HCN1: variants seen among roughly 807,000 people sequenced by gnomAD.
HCN1 encodes the protein hyperpolarization activated cyclic nucleotide gated potassium channel 1.
A neutral mutation model predicts 78.9 loss-of-function variants in HCN1; 13 were observed. That is an observed-to-expected ratio of 0.16 (90% CI 0.11 to 0.26). HCN1 has a LOEUF of 0.26. Among genes scored for constraint, HCN1 ranks in the 10% least tolerant of loss-of-function variants. The pLI is 1.00. For missense variants in HCN1, 810 were observed against 1,154.3 expected, an observed-to-expected ratio of 0.70 and a Z score of 4.32; for synonymous variants, 552 against 455.5, an observed-to-expected ratio of 1.21 and a Z score of -2.70.
intron 1 of HCN1, among the ~76,000 whole-genome samples, chr5:45,667,785 T>C (rs1308447627): frequency 6.6e-6 from 1 of 151,984 alleles, no homozygotes; most frequent in Non-Finnish European, 1.5e-5. Context: ...CAAGCTACTA[T>C]GACATTGTAG....
chr5:45,605,571 C>T (rs1376033252), intron 2 of HCN1, among the ~76,000 whole-genome samples: 1 of 151,520 alleles, frequency 6.6e-6, no homozygotes, highest in Non-Finnish European at 1.5e-5. Flanking sequence ...ATGTGGACAG[C>T]ATTATCAAAA....
intron 3 of HCN1, among the ~76,000 whole-genome samples, chr5:45,413,633 T>G (rs1158158214): frequency 6.6e-6 from 1 of 151,862 alleles, no homozygotes; most frequent in African/African-American, 2.4e-5. Context: ...CTTTCAGAGG[T>G]AGAAATGAAA....
chr5:45,390,338 T>C (rs1260852283), intron 4 of HCN1, among the ~76,000 whole-genome samples: 1 of 152,156 alleles, frequency 6.6e-6, no homozygotes, highest in Non-Finnish European at 1.5e-5. Flanking sequence ...TTATGACATA[T>C]AAGGAATACA....
In HCN1 at chr5:45,399,302, TGCCTACAG is replaced by T. The variant is rs199716383; in HGVS notation, c.1012-2600_1012-2593del. 5.0e-3 allele frequency among the ~76,000 whole-genome samples: 765 copies of T among 152,350 alleles called. 4 individuals carry two copies. Among genetic ancestry groups the T allele is most frequent in the African/African-American group, 0.018 (730 of 41,584 alleles). On this transcript the variant is annotated intron_variant, in intron 3 of 7. Coordinates refer to ENST00000303230, the MANE Select transcript of HCN1 (RefSeq NM_021072.4). ...TGCTAGGCCAATTGCATGTCTCCTG[TGCCTACAG>T]GCCTGAATCTGTGTGTGTGATGCTG...
intron 2 of HCN1, among the ~76,000 whole-genome samples, chr5:45,524,089 T>G (rs1349606592): frequency 6.6e-6 from 1 of 152,176 alleles, no homozygotes; most frequent in African/African-American, 2.4e-5. Flanking sequence ...GGCTAGCCAG[T>G]TTTCCCAGCA....
chr5:45,492,927 T>A, intron 2 of HCN1, among the ~76,000 whole-genome samples: 1 of 152,114 alleles, frequency 6.6e-6, no homozygotes, highest in Admixed American at 6.6e-5. Flanking sequence ...AGTCTGTGGA[T>A]TGGTCAAGCT....
At chr5:45,676,648 C>T in intron 1 of HCN1, among the ~76,000 whole-genome samples, 1 of 151,478 alleles carries the variant, frequency 6.6e-6, no homozygotes, top group East Asian at 1.9e-4. Flanking sequence ...CTAAAATAAC[C>T]AGAGAATATT....
chr5:45,549,134 T>C (rs564171298), intron 2 of HCN1, among the ~76,000 whole-genome samples: 2 of 152,014 alleles, frequency 1.3e-5, no homozygotes, highest in Non-Finnish European at 2.9e-5. Flanking sequence ...TTCACAGAAT[T>C]GGAAAAATCT....
intron 6 of HCN1, among the ~76,000 whole-genome samples, chr5:45,292,379 T>C (rs1745396830): frequency 6.6e-6 from 1 of 152,038 alleles, no homozygotes; most frequent in African/African-American, 2.4e-5. Flanking sequence ...AACTGCTATA[T>C]ATTGACAGTG....
chr5:45,574,223 A>G (rs763785577), intron 2 of HCN1, among the ~76,000 whole-genome samples: 8 of 152,032 alleles, frequency 5.3e-5, no homozygotes, highest in South Asian at 4.1e-4. Context: ...GATTTTTGCA[A>G]CTCTGCATCA....
At chr5:45,565,702 G>C (rs970697299) in intron 2 of HCN1, among the ~76,000 whole-genome samples, 3 of 152,010 alleles carry the variant, frequency 2.0e-5, no homozygotes, top group Admixed American at 1.3e-4. Context: ...CACACGGGAG[G>C]CTGAGGTGGG....
intron 2 of HCN1, among the ~76,000 whole-genome samples, chr5:45,596,405 T>C (rs1010507461): frequency 6.6e-6 from 1 of 152,210 alleles, no homozygotes; most frequent in African/African-American, 2.4e-5. Flanking sequence ...ATAGTGACAA[T>C]GACTTTCACA....
intron 4 of HCN1, among the ~76,000 whole-genome samples, chr5:45,371,719 T>G (rs1747365094): frequency 6.8e-6 from 1 of 147,886 alleles, no homozygotes; most frequent in Non-Finnish European, 1.5e-5. Flanking sequence ...ATAGCACCAT[T>G]TCACTCCAGC....
intron 2 of HCN1, among the ~76,000 whole-genome samples, chr5:45,553,201 G>A (rs1238330134): frequency 1.3e-5 from 2 of 151,828 alleles, no homozygotes; most frequent in Admixed American, 1.3e-4. Context: ...GGTGACTGGG[G>A]TGGACGTCCA....
At chr5:45,395,083 A>G (rs1387380209) in intron 4 of HCN1, among the ~76,000 whole-genome samples, 1 of 152,178 alleles carries the variant, frequency 6.6e-6, no homozygotes, top group African/African-American at 2.4e-5. Flanking sequence ...AATATGCAAT[A>G]AAATGCTAAT....
chr5:45,380,377 AT>A (rs1747781821), intron 4 of HCN1, among the ~76,000 whole-genome samples: 1 of 152,080 alleles, frequency 6.6e-6, no homozygotes, highest in African/African-American at 2.4e-5. Context: ...TTCAACATGA[AT>A]TTTGGAGGGA....
intron 2 of HCN1, among the ~76,000 whole-genome samples, chr5:45,639,662 C>T (rs1382672208): frequency 6.6e-6 from 1 of 152,122 alleles, no homozygotes; most frequent in Non-Finnish European, 1.5e-5. Flanking sequence ...TTAACCGATA[C>T]AAACATTTTT....
chr5:45,525,230 A>C (rs1742711256), intron 2 of HCN1, among the ~76,000 whole-genome samples: 2 of 151,808 alleles, frequency 1.3e-5, no homozygotes, highest in Admixed American at 1.3e-4. Flanking sequence ...TTTCATTAGC[A>C]AATTGAGAAA....
chr5:45,325,470 TAAAAC>T (rs1746217617), intron 5 of HCN1, among the ~76,000 whole-genome samples: 1 of 151,632 alleles, frequency 6.6e-6, no homozygotes, highest in Non-Finnish European at 1.5e-5. Flanking sequence ...AGTCAACAAA[TAAAAC>T]ATATAACTCA....
Sources: gnomAD v4.1 joint callset for allele counts (sites outside exome capture counted in the v4.1 genomes callset) on GRCh38, gnomAD v4.1.1 for gene constraint, MANE v1.5 for transcripts, NCBI Gene and HGNC (gene_info 2026-07-23, HGNC 2026-07-21) for gene names.